The following TAFA2 variants were observed in gnomAD, a reference collection of about 807,000 sequenced individuals.
TAFA2 encodes the protein TAFA chemokine like family member 2.
TAFA2 carries 7 observed loss-of-function variants against 18.8 expected under a neutral mutation model. That is an observed-to-expected ratio of 0.37 (90% CI 0.21 to 0.70). The LOEUF (loss-of-function observed/expected upper bound fraction) is 0.70, where lower values mean the gene tolerates loss of function less well. Ranked by LOEUF, TAFA2 falls within the 30% of genes least tolerant of loss-of-function variation. TAFA2 has a pLI of 0.53. For synonymous variants in TAFA2, 60 were observed against 54.2 expected (o/e 1.11, Z -0.47); for missense variants, 122 against 158.1 (o/e 0.77, Z 1.23).
At chr12:62,038,411 T>C (rs983279687) in intron 1 of TAFA2, among the ~76,000 whole-genome samples, 8 of 152,124 alleles carry the variant, frequency 5.3e-5, no homozygotes, top group Non-Finnish European at 1.0e-4. Flanking sequence ...ACTGAAAATA[T>C]TCAGAAAAGA....
chr12:61,745,585 A>C (rs11837828), intron 4 of TAFA2, among the ~76,000 whole-genome samples: 2,748 of 152,162 alleles, frequency 0.018, 77 homozygotes, highest in African/African-American at 0.062. Flanking sequence ...GGCATCTATC[A>C]ACATCCAACA....
chr12:61,809,908 T>G (rs1267974824), intron 2 of TAFA2, among the ~76,000 whole-genome samples: 1 of 151,160 alleles, frequency 6.6e-6, no homozygotes, highest in Non-Finnish European at 1.5e-5. Context: ...TGCCAACATT[T>G]CCAGGTGGTG....
rs1875050928 is a variant in TAFA2, at chr12:61,880,056, T to C, written c.-1-12630A>G. The C allele has an allele frequency of 2.9e-5, 20 of 686,088 alleles. 1 individual carries two copies. The South Asian group carries it at 3.1e-4, about 11-fold the overall frequency. 42.5% of individuals were successfully genotyped at this position (686,088 alleles called of 1,614,324 possible). A position where few individuals can be genotyped will look rare whatever the true frequency, so the allele number is the denominator to read the frequency against. ...TCCCTGATCTCGGACACGTCTGTGG[T>C]GCTGTCCATAGACAGCAGCCACTCC... On this transcript the variant is annotated intron_variant, in intron 1 of 4. Coordinates refer to ENST00000416284, the MANE Select transcript of TAFA2 (RefSeq NM_178539.5).
At chr12:62,096,335 G>A (rs79472059) in intron 1 of TAFA2, among the ~76,000 whole-genome samples, 8,238 of 152,162 alleles carry the variant, frequency 0.054, 336 homozygotes, top group Non-Finnish European at 0.083. Context: ...GAGAAAGCAG[G>A]AAAGGTGAAG....
intron 1 of TAFA2, among the ~76,000 whole-genome samples, chr12:62,081,097 AG>A (rs1428288014): frequency 1.3e-5 from 2 of 151,020 alleles, no homozygotes; most frequent in Non-Finnish European, 3.0e-5. Flanking sequence ...CGGGAGGCTG[AG>A]GCAGGAGAAC....
intron 2 of TAFA2, among the ~76,000 whole-genome samples, chr12:61,861,805 C>A (rs1415318561): frequency 6.6e-6 from 1 of 152,078 alleles, no homozygotes; most frequent in East Asian, 1.9e-4. Flanking sequence ...TAAATAAGTA[C>A]AATTATCACA....
At position 61,753,685 on chromosome 12, in the gene TAFA2, A is replaced by C; in HGVS notation, c.321T>G (p.Cys107Trp). The change falls in exon 4 of 5, where the codon TGT becomes TGG. Residue 107 changes from cysteine to tryptophan, a missense_variant. Physicochemically the swap from Cys to Trp is radical, Grantham distance 215. Around this residue, in one of 2 missense-constraint regions of TAFA2, gnomAD observed 60 missense variants for 102.7 expected, o/e 0.58. Coordinates refer to ENST00000416284, the MANE Select transcript of TAFA2 (RefSeq NM_178539.5). ...HMQPCLEGEE[C>W]KVLPDRKGWS... ...ATCCTTTCCGATCCGGAAGAACTTTACATTCTTCTCCCTCTAGACATGGCT... is the reference window on the plus strand; with the variant it reads ...ATCCTTTCCGATCCGGAAGAACTTTCCATTCTTCTCCCTCTAGACATGGCT... 1.9e-6 allele frequency: 3 copies of C among 1,612,652 alleles called. No homozygotes were observed. The highest frequency in any genetic ancestry group is 2.5e-6 in the Non-Finnish European group (3 of 1,179,092).
At chr12:61,885,352 T>C (rs1565669016) in intron 1 of TAFA2, among the ~76,000 whole-genome samples, 1 of 152,184 alleles carries the variant, frequency 6.6e-6, no homozygotes, top group African/African-American at 2.4e-5. Context: ...GGGAGAAGAA[T>C]GACATAGTGC....
intron 4 of TAFA2, among the ~76,000 whole-genome samples, chr12:61,734,126 A>G (rs1215403925): frequency 6.6e-6 from 1 of 150,810 alleles, no homozygotes; most frequent in Non-Finnish European, 1.5e-5. Context: ...TTGATTTTGT[A>G]TCCTGAGACT....
chr12:61,791,433 G>A (rs1870974613), intron 2 of TAFA2, among the ~76,000 whole-genome samples: 2 of 151,762 alleles, frequency 1.3e-5, no homozygotes, highest in African/African-American at 2.4e-5. Context: ...AGAGTGAAGA[G>A]AAACCATACA....
chr12:62,188,804 T>C (rs2062603077), intron 1 of TAFA2, among the ~76,000 whole-genome samples: 2 of 152,156 alleles, frequency 1.3e-5, no homozygotes, highest in Non-Finnish European at 2.9e-5. Context: ...AATTTTTAAA[T>C]AGGAAAACTG....
chr12:62,140,698 C>G (rs1422279170), intron 1 of TAFA2, among the ~76,000 whole-genome samples: 1 of 152,204 alleles, frequency 6.6e-6, no homozygotes, highest in Non-Finnish European at 1.5e-5. Flanking sequence ...GGCAGACACT[C>G]TAGCCACAAG....
intron 1 of TAFA2, among the ~76,000 whole-genome samples, chr12:62,009,013 T>A (rs1880645411): frequency 6.6e-6 from 1 of 152,192 alleles, no homozygotes; most frequent in Non-Finnish European, 1.5e-5. Context: ...CCAGTGAAAA[T>A]TTCCTATTGT....
chr12:62,024,126 T>C (rs1029596109), intron 1 of TAFA2, among the ~76,000 whole-genome samples: 5 of 152,218 alleles, frequency 3.3e-5, no homozygotes, highest in African/African-American at 4.8e-5. Context: ...GGCAGATTTC[T>C]TTCCCCTCTC....
chr12:61,833,051 TATAA>T (rs536333837), intron 2 of TAFA2, among the ~76,000 whole-genome samples: 138 of 147,236 alleles, frequency 9.4e-4, no homozygotes, highest in African/African-American at 2.8e-3. Flanking sequence ...ATATATAATG[TATAA>T]ATAAATATAT....
chr12:62,062,489 T>C (rs1882376518), intron 1 of TAFA2, among the ~76,000 whole-genome samples: 1 of 152,178 alleles, frequency 6.6e-6, no homozygotes, highest in Non-Finnish European at 1.5e-5. Context: ...CCAAGCCACC[T>C]TGGCCTCTTT....
At chr12:61,734,248 G>A (rs7954960) in intron 4 of TAFA2, among the ~76,000 whole-genome samples, 15,694 of 151,338 alleles carry the variant, frequency 0.1, 1,076 homozygotes, top group East Asian at 0.23. Context: ...ATCATTCTCA[G>A]TAAACTATCG....
chr12:61,929,599 A>T (rs1877467420), intron 1 of TAFA2, among the ~76,000 whole-genome samples: 1 of 151,794 alleles, frequency 6.6e-6, no homozygotes, highest in Non-Finnish European at 1.5e-5. Flanking sequence ...CGATGTGGCG[A>T]TTCCTCAGGG....
chr12:61,986,164 T>C (rs1439513348), intron 1 of TAFA2, among the ~76,000 whole-genome samples: 1 of 132,848 alleles, frequency 7.5e-6, no homozygotes, highest in Non-Finnish European at 1.6e-5. Context: ...TCTTCTTTTT[T>C]TTTTTTTTTT....
Sources: gnomAD v4.1 joint callset for allele counts (sites outside exome capture counted in the v4.1 genomes callset) on GRCh38, gnomAD v4.1.1 for gene constraint, gnomAD v4.1.1 regional missense constraint, MANE v1.5 for transcripts, NCBI Gene and HGNC (gene_info 2026-07-23, HGNC 2026-07-21) for gene names.